MANSC1: variants seen among roughly 807,000 people sequenced by gnomAD.
MANSC1 encodes the protein MANSC domain containing 1, also known as MANSC domain-containing protein 1.
Under a neutral mutation model 14.1 loss-of-function variants are expected in MANSC1, and 13 were observed. That is an observed-to-expected ratio of 0.92 (90% CI 0.60 to 1.46). The LOEUF is 1.46. Among genes scored for constraint, MANSC1 ranks in the 40% most tolerant of loss-of-function variants. The probability of loss-of-function intolerance (pLI) is 0.00; values close to 1 mark genes in which losing one functional copy is unlikely to be tolerated. For missense variants in MANSC1, 486 were observed against 511.4 expected (o/e 0.95, Z 0.48); for synonymous variants, 227 against 200.7 (o/e 1.13, Z -1.11).
At position 12,330,890 on chromosome 12, in the gene MANSC1, G is replaced by T. The variant is rs1216053330; in HGVS notation, c.433C>A (p.Gln145Lys). The T allele has an allele frequency of 1.9e-6, 3 of 1,613,434 alleles. No individual in the cohort carries two copies. The highest frequency in any genetic ancestry group is 2.5e-6 in the Non-Finnish European group (3 of 1,179,714). ...LPQEDSLLHGQFSQAVTPLAH... is the reference protein window; with the variant it reads ...LPQEDSLLHGKFSQAVTPLAH... Reference sequence around the variant, plus strand: ...AGGGGAGTGACTGCTTGTGAAAATTGGCCATGTAAGAGAGAATCTTCCTGG... The same window carrying T: ...AGGGGAGTGACTGCTTGTGAAAATTTGCCATGTAAGAGAGAATCTTCCTGG... The change falls in exon 4 of 4, where the codon CAA (glutamine) becomes AAA (lysine). Residue 145 changes from glutamine to lysine, a missense_variant. Coordinates refer to ENST00000535902, the MANE Select transcript of MANSC1 (RefSeq NM_018050.4).
intron 3 of MANSC1, among the ~76,000 whole-genome samples, chr12:12,331,253 T>G (rs905158686): frequency 1.3e-5 from 2 of 152,176 alleles, no homozygotes; most frequent in African/African-American, 2.4e-5. Flanking sequence ...CACAAATTGC[T>G]AAATGAGAAT....
At chr12:12,349,042 C>T (rs189908595) in intron 1 of MANSC1, among the ~76,000 whole-genome samples, 61 of 152,268 alleles carry the variant, frequency 4.0e-4, no homozygotes, top group African/African-American at 1.3e-3. Flanking sequence ...TATTTTGAAA[C>T]GTGCAACAAG....
rs757218518 is a variant in MANSC1 at position 12,330,635 on chromosome 12, C to T, written c.688G>A (p.Val230Met). ...PENVSALPAT[V>M]AVASPHTTSA... Reference sequence around the variant, plus strand: ...GTGGTATGTGGAGAAGCAACTGCCACCGTAGCTGGGAGCGCACTCACATTT... The same window carrying T: ...GTGGTATGTGGAGAAGCAACTGCCATCGTAGCTGGGAGCGCACTCACATTT... Residue 230 changes from valine to methionine, a missense_variant, in exon 4 of 4, where the codon GTG becomes ATG. Transcript: ENST00000535902. The T allele has an allele frequency of 6.2e-7, 1 of 1,614,132 alleles. No individual in the cohort carries two copies. The highest frequency in any genetic ancestry group is 1.1e-5 in the South Asian group (1 of 91,092).
intron 3 of MANSC1, among the ~76,000 whole-genome samples, chr12:12,334,079 C>A (rs184685692): frequency 6.6e-6 from 1 of 151,964 alleles, no homozygotes; most frequent in South Asian, 2.1e-4. Flanking sequence ...TGAGACCCCC[C>A]CATTGCTACA....
In MANSC1 at chr12:12,330,213, G is replaced by T; in HGVS notation, c.1110C>A (p.Gly370=). 1 of 1,614,188 alleles carries T rather than the reference G, an allele frequency of 6.2e-7. No homozygotes were observed. The highest frequency in any genetic ancestry group is 8.5e-7 in the Non-Finnish European group (1 of 1,180,038). ...REASPGSSSQ[G]SVPENQYGLP... ...GGCCGTACTGATTTTCTGGAACACT[G>T]CCCTGGGAGGAACTGCCTGGACTGG... The change falls in exon 4 of 4, where the codon GGC becomes GGA. Residue 370 remains glycine, a synonymous_variant. Coordinates refer to ENST00000535902, the MANE Select transcript of MANSC1 (RefSeq NM_018050.4).
intron 1 of MANSC1, chr12:12,348,034 G>A: frequency 6.6e-6 from 1 of 152,058 alleles, no homozygotes. Context: ...CTGCACTCCA[G>A]CCTGGGCAAC....
chr12:12,338,240 C>T (rs1485022092), intron 3 of MANSC1, among the ~76,000 whole-genome samples, 180 bp downstream of exon 3: 2 of 152,258 alleles, frequency 1.3e-5, no homozygotes, highest in African/African-American at 2.4e-5. Context: ...ACAAATACTA[C>T]CATGGCTTTC....
chr12:12,330,152 GC>G lies in MANSC1; in HGVS notation c.1170del (p.Leu391SerfsTer8). 1 of 1,614,152 alleles carries G rather than the reference GC, an allele frequency of 6.2e-7. No individual in the cohort carries two copies. The highest frequency in any genetic ancestry group is 8.5e-7 in the Non-Finnish European group (1 of 1,180,030). The stretch of plus-strand genomic sequence containing the variant: ...ATCACCAGGAACAGGACACCAAAGA[GC>G]AGGGACCCGATAAGAAGCCATTTTT... ...PFEKWLLIGS[L>X]LFGVLFLVIG... On this transcript the variant is annotated frameshift_variant, in exon 4 of 4. Coordinates refer to ENST00000535902, the MANE Select transcript of MANSC1 (RefSeq NM_018050.4). LOFTEE classifies it high-confidence loss of function.
chr12:12,340,001 G>A (rs1252586735), intron 2 of MANSC1, among the ~76,000 whole-genome samples: 4 of 151,876 alleles, frequency 2.6e-5, no homozygotes, highest in African/African-American at 7.3e-5. Flanking sequence ...TTGTAGAGGC[G>A]GGGTCTCACT....
At position 12,330,327 on chromosome 12, in the gene MANSC1, T is replaced by C. The variant is rs751039131; in HGVS notation, c.996A>G (p.Thr332=). The C allele has an allele frequency of 6.2e-7, 1 of 1,614,210 alleles. No individual in the cohort carries two copies. Among genetic ancestry groups the C allele is most frequent in the East Asian group, 2.2e-5 (1 of 44,888 alleles). Residue 332 remains threonine, a synonymous_variant, in exon 4 of 4, where the codon ACA becomes ACG. Transcript: ENST00000535902. ...GTGCAGTAGGGTTATACACATTCCCTGTGTTCAAAGTTAGGTTGGAGATTT... is the reference window on the plus strand; with the variant it reads ...GTGCAGTAGGGTTATACACATTCCCCGTGTTCAAAGTTAGGTTGGAGATTT... The part of the protein sequence containing the change: ...FTEISNLTLN[T]GNVYNPTALS...
rs371328432 is a variant in MANSC1, at chr12:12,336,641, C to T, written c.364+1779G>A. 2.4e-4 allele frequency among the ~76,000 whole-genome samples: 36 copies of T among 152,170 alleles called. 2 individuals are homozygous for T. In the East Asian group the frequency reaches 2.9e-3, roughly 12 times the overall value. On this transcript the variant is annotated intron_variant, in intron 3 of 3. Transcript: ENST00000535902. Reference sequence around the variant, plus strand: ...TCCTGGTCTCAAGGAATTCTCCTGCCTTGGCCTCCCAAGTAGCTGGGACTA... The same window carrying T: ...TCCTGGTCTCAAGGAATTCTCCTGCTTTGGCCTCCCAAGTAGCTGGGACTA...
chr12:12,332,151 C>T (rs756923671), intron 3 of MANSC1, among the ~76,000 whole-genome samples: 15 of 152,218 alleles, frequency 9.9e-5, no homozygotes, highest in Non-Finnish European at 7.3e-5. Flanking sequence ...CACTCTGCTG[C>T]TAGGCTAACC....
chr12:12,343,331 GTT>G lies in MANSC1; in HGVS notation c.-19_-18del. ...GAAGAACATTTTAAATTTCAGTTTAGTTTTGGTCTTCAAAGGTCAAGGATAAT... is the reference window on the plus strand; with the variant it reads ...GAAGAACATTTTAAATTTCAGTTTAGTTGGTCTTCAAAGGTCAAGGATAAT... On this transcript the variant is annotated 5_prime_UTR_variant, in exon 2 of 4. Transcript: ENST00000535902. 1 of 1,595,412 alleles carries G rather than the reference GTT, an allele frequency of 6.3e-7. No homozygotes were observed.
chr12:12,330,621 A>C lies in MANSC1; in HGVS notation c.702T>G (p.Ser234=). The stretch of plus-strand genomic sequence containing the variant: ...TTGGAGTAGCCGAGGTGGTATGTGG[A>C]GAAGCAACTGCCACCGTAGCTGGGA... The part of the protein sequence containing the change: ...SALPATVAVA[S]PHTTSATPKP... Residue 234 remains serine (S), a synonymous_variant, in exon 4 of 4, where the codon TCT becomes TCG. Transcript: ENST00000535902. 1 of 1,614,134 alleles carries C rather than the reference A, an allele frequency of 6.2e-7. No homozygotes were observed.
intron 1 of MANSC1, among the ~76,000 whole-genome samples, chr12:12,347,716 T>C (rs543730158): frequency 1.3e-5 from 2 of 152,206 alleles, no homozygotes; most frequent in Non-Finnish European, 2.9e-5. Context: ...CCTATGAGAA[T>C]GGCTAAAATC....
intron 1 of MANSC1, among the ~76,000 whole-genome samples, chr12:12,347,353 A>G (rs1863022834): frequency 6.6e-6 from 1 of 152,162 alleles, no homozygotes. Context: ...TGCGCCGATG[A>G]GAATCTACGG....
At chr12:12,332,313 A>G (rs1433831791) in intron 3 of MANSC1, among the ~76,000 whole-genome samples, 2 of 152,002 alleles carry the variant, frequency 1.3e-5, no homozygotes, top group Non-Finnish European at 1.5e-5. Context: ...CCTCTTTCCT[A>G]CAGACGGATC....
chr12:12,329,918 T>C lies in MANSC1; in HGVS notation c.*109A>G, dbSNP rs2135986629. 1.1e-6 allele frequency: 1 copy of C among 921,694 alleles called. No homozygotes were observed. The highest frequency in any genetic ancestry group is 1.6e-6 in the Non-Finnish European group (1 of 626,174). The allele number at this position is 921,694 out of a possible 1,614,324, so 57.1% of individuals were successfully genotyped here. Reference sequence around the variant, plus strand: ...AAAAAAGGAAAGCAGAAGGGGGCATTTTCCTGTCTTCAAAATACAACCTCC... The same window carrying C: ...AAAAAAGGAAAGCAGAAGGGGGCATCTTCCTGTCTTCAAAATACAACCTCC... On this transcript the variant is annotated 3_prime_UTR_variant, in exon 4 of 4. Transcript: ENST00000535902.
intron 3 of MANSC1, among the ~76,000 whole-genome samples, chr12:12,331,772 C>CAGCAGAACA (rs1372873626): frequency 2.0e-5 from 3 of 152,134 alleles, no homozygotes; most frequent in African/African-American, 7.2e-5. Flanking sequence ...GCCACAGCAG[C>CAGCAGAACA]AGCAGAACAG....
Sources: gnomAD v4.1 joint callset for allele counts (sites outside exome capture counted in the v4.1 genomes callset) on GRCh38, gnomAD v4.1.1 for gene constraint, MANE v1.5 for transcripts, NCBI Gene and HGNC (gene_info 2026-07-23, HGNC 2026-07-21) for gene names.